The following POLR3E variants were observed in gnomAD, a reference collection of about 807,000 sequenced individuals.
POLR3E encodes the protein RNA polymerase III subunit E, also known as DNA-directed RNA polymerase III subunit RPC5.
Under a neutral mutation model 96.6 loss-of-function variants are expected in POLR3E, and 41 were observed. That is an observed-to-expected ratio of 0.42 (90% CI 0.33 to 0.55). The LOEUF is 0.55. POLR3E is among the 20% of genes least tolerant of loss of function. POLR3E has a pLI of 0.06. For missense variants in POLR3E, 849 were observed against 952.1 expected (o/e 0.89, Z 1.43); for synonymous variants, 396 against 383.6 (o/e 1.03, Z -0.38).
chr16:22,312,721 G>T (rs1364719911), intron 6 of POLR3E, among the ~76,000 whole-genome samples: 3 of 151,718 alleles, frequency 2.0e-5, no homozygotes, highest in South Asian at 2.1e-4. Flanking sequence ...AAAAAATTTA[G>T]CTGGGCTTGG....
At position 22,334,839 on chromosome 16, in the gene POLR3E, T is replaced by G. The variant is rs2048817225; in HGVS notation, c.*1139T>G. On this transcript the variant is annotated 3_prime_UTR_variant, in exon 21 of 21. Transcript: ENST00000299853. ...AAGCTAGGTTGGATGACATGTGAAT[T>G]TTGGTATCTAGATAAGGCTTTCGCC... 6.6e-6 allele frequency: 1 copy of G among 152,206 alleles called. No individual in the cohort carries two copies. The highest frequency in any genetic ancestry group is 1.5e-5 in the Non-Finnish European group (1 of 68,038). 9.4% of individuals were successfully genotyped at this position (152,206 alleles called of 1,614,324 possible).
intron 4 of POLR3E, among the ~76,000 whole-genome samples, chr16:22,308,724 C>T (rs1252619503): frequency 2.0e-5 from 3 of 152,186 alleles, no homozygotes; most frequent in Non-Finnish European, 2.9e-5. Context: ...CAGGACTCTC[C>T]ACTTCCTTCT....
chr16:22,314,182 G>A (rs748301541), intron 8 of POLR3E, 54 bp downstream of exon 8: 22 of 1,412,128 alleles, frequency 1.6e-5, no homozygotes, highest in Non-Finnish European at 2.0e-5. Context: ...AGCAGGACCA[G>A]AGACCAAGGG....
Position 22,314,072 on chromosome 16 carries a change from C to G in POLR3E, c.473-7C>G, listed in dbSNP as rs1342862211. 6.2e-7 allele frequency: 1 copy of G among 1,613,254 alleles called. No homozygotes were observed. Among genetic ancestry groups the G allele is most frequent in the African/African-American group, 1.3e-5 (1 of 74,904 alleles). On this transcript the variant is annotated splice_polypyrimidine_tract_variant and splice_region_variant and intron_variant, in intron 7 of 20. Coordinates refer to ENST00000299853, the MANE Select transcript of POLR3E (RefSeq NM_018119.4). ...GGACTGCAGTCAGTGGCTTGTCTCT[C>G]TTGCAGCAGGGGACTCTTCACAGGA...
intron 18 of POLR3E, 180 bp downstream of exon 18, chr16:22,326,458 G>A (rs1213717852): frequency 4.6e-6 from 3 of 646,252 alleles, no homozygotes; most frequent in Non-Finnish European, 5.6e-6. Flanking sequence ...ATGGGATCAT[G>A]TTGGGTTTTA....
chr16:22,323,674 G>A (rs572371096), intron 14 of POLR3E, among the ~76,000 whole-genome samples: 1 of 152,276 alleles, frequency 6.6e-6, no homozygotes, highest in Admixed American at 6.5e-5. Flanking sequence ...TTTGCTCCTA[G>A]GGGTCAGCAT....
rs147254278 is a variant in POLR3E at position 22,329,114 on chromosome 16, C to T, written c.1944+527C>T. 1.7e-3 allele frequency: 280 copies of T among 165,106 alleles called. 1 individual carries two copies. Among genetic ancestry groups the T allele is most frequent in the Middle Eastern group, 9.1e-3 (3 of 330 alleles). 10.2% of individuals were successfully genotyped at this position (165,106 alleles called of 1,614,324 possible). On this transcript the variant is annotated intron_variant, in intron 19 of 20. Coordinates refer to ENST00000299853, the MANE Select transcript of POLR3E (RefSeq NM_018119.4). The stretch of plus-strand genomic sequence containing the variant: ...AAGAAAAAAAAAAAAAACATAGATT[C>T]AGTTCTGTTCAGTAGGTATGCGGTA...
intron 3 of POLR3E, among the ~76,000 whole-genome samples, chr16:22,305,932 C>T (rs2048124472): frequency 1.3e-5 from 2 of 152,148 alleles, no homozygotes; most frequent in African/African-American, 4.8e-5. Context: ...ACACAGTTTC[C>T]CCATTTCAGT....
intron 1 of POLR3E, 41 bp from the exon 2 acceptor site, chr16:22,302,890 T>C: frequency 7.3e-7 from 1 of 1,369,094 alleles, no homozygotes; most frequent in Non-Finnish European, 1.0e-6. Flanking sequence ...GAAATGTTGG[T>C]TGAACGACTG....
At chr16:22,321,801 C>T (rs573864838) in intron 13 of POLR3E, among the ~76,000 whole-genome samples, 20 of 152,338 alleles carry the variant, frequency 1.3e-4, no homozygotes, top group African/African-American at 4.8e-4. Flanking sequence ...GGGCATTTCA[C>T]CTGCCCCGGC....
At chr16:22,319,645 C>T (rs545813784) in intron 13 of POLR3E, among the ~76,000 whole-genome samples, 13 of 152,202 alleles carry the variant, frequency 8.5e-5, no homozygotes, top group African/African-American at 3.1e-4. Flanking sequence ...GTGATCTGCC[C>T]GCCTCGGCTT....
chr16:22,314,809 T>C, intron 8 of POLR3E: 1 of 273,420 alleles, frequency 3.7e-6, no homozygotes, highest in South Asian at 7.3e-5. Flanking sequence ...CCTGGGCCTG[T>C]CTGCTTTAAG....
rs1395967958 is a variant in POLR3E, at chr16:22,318,510, T to G, written c.866-316T>G. Among the ~76,000 whole-genome samples, 1 of 152,192 alleles carries G rather than the reference T, an allele frequency of 6.6e-6. No individual in the cohort carries two copies. The highest frequency in any genetic ancestry group is 2.4e-5 in the African/African-American group (1 of 41,448). ...TGGGTTCACTTCCTGGCTCTGCTAC[T>G]TCCTAGCCAAGAGATCATGGGTGAG... On this transcript the variant is annotated intron_variant, in intron 12 of 20. Transcript: ENST00000299853. This position sits in a 1 kb window ranked among gnomAD's most constrained non-coding sequence, Gnocchi z 5.0.
In POLR3E at chr16:22,313,176, G is replaced by A. The variant is rs376037279; in HGVS notation, c.365-444G>A. Among the ~76,000 whole-genome samples, 1 of 152,102 alleles carries A rather than the reference G, an allele frequency of 6.6e-6. No individual in the cohort carries two copies. The highest frequency in any genetic ancestry group is 2.4e-5 in the African/African-American group (1 of 41,410). ...AGTGGACTTCCTAGTGGAACGGGTG[G>A]GATTTTGGCGGGAAAAGATGGAGGA... On this transcript the variant is annotated intron_variant, in intron 6 of 20. Coordinates refer to ENST00000299853, the MANE Select transcript of POLR3E (RefSeq NM_018119.4). The surrounding 1 kb of genome is among the most constrained non-coding windows in gnomAD (Gnocchi z 4.1).
At chr16:22,316,805 G>T in intron 10 of POLR3E, 119 bp downstream of exon 10, 1 of 1,002,536 alleles carries the variant, frequency 1.0e-6, no homozygotes, top group South Asian at 1.3e-5. Flanking sequence ...GGAGCCCATT[G>T]TCCCCTGGAG....
At chr16:22,309,550 T>TGG in intron 6 of POLR3E, 40 bp downstream of exon 6, 6 of 1,024,910 alleles carry the variant, frequency 5.9e-6, no homozygotes, top group Non-Finnish European at 6.0e-6. Context: ...GACATGGCAT[T>TGG]GGGGGGGGCT....
chr16:22,325,154 C>G (rs570594904), intron 16 of POLR3E, 51 bp from the exon 17 acceptor site: 1 of 1,379,238 alleles, frequency 7.3e-7, no homozygotes, highest in African/African-American at 1.4e-5. Flanking sequence ...TCTTGTGAAG[C>G]AGATGGTAGG....
intron 2 of POLR3E, among the ~76,000 whole-genome samples, chr16:22,303,697 G>A (rs1392041784): frequency 2.1e-5 from 3 of 145,210 alleles, no homozygotes; most frequent in African/African-American, 8.1e-5. Context: ...CTGGAGTTCA[G>A]TGGTGCCATC....
At chr16:22,307,434 G>T (rs554058882) in intron 3 of POLR3E, among the ~76,000 whole-genome samples, 10 of 152,166 alleles carry the variant, frequency 6.6e-5, no homozygotes, top group African/African-American at 2.4e-4. Flanking sequence ...TCATTCTACA[G>T]GCTGTCATGA....
Sources: allele counts gnomAD v4.1 joint callset (sites outside exome capture counted in the v4.1 genomes callset), GRCh38; gene constraint gnomAD v4.1.1; non-coding constraint Gnocchi (gnomAD v3.1); transcripts MANE v1.5; gene names NCBI Gene and HGNC (gene_info 2026-07-23, HGNC 2026-07-21).